PXDNL: variants seen among roughly 807,000 people sequenced by gnomAD.
The protein encoded by PXDNL is probable oxidoreductase PXDNL.
PXDNL carries 145 observed loss-of-function variants against 150.8 expected under a neutral mutation model. The ratio of observed to expected loss-of-function variants is 0.96; its 90% confidence interval spans 0.84 to 1.10. PXDNL has a LOEUF of 1.10. Ranked by LOEUF, PXDNL falls within the 50% of genes least tolerant of loss-of-function variation. PXDNL has a pLI of 0.00. For missense variants in PXDNL, 2,087 were observed against 1,873.9 expected (o/e 1.11, Z -2.10); for synonymous variants, 757 against 725.7 (o/e 1.04, Z -0.69).
rs550114575 is a variant in PXDNL at position 51,636,938 on chromosome 8, C to T, written c.236+17751G>A. ...CCAGAGTAGCCTAACTGGGAGGTAACCCCCAGTAGGGGCAGACTGACACCT... is the reference window on the plus strand; with the variant it reads ...CCAGAGTAGCCTAACTGGGAGGTAATCCCCAGTAGGGGCAGACTGACACCT... On this transcript the variant is annotated intron_variant, in intron 2 of 22. Transcript: ENST00000356297. 4.8e-5 allele frequency among the ~76,000 whole-genome samples: 3 copies of T among 61,884 alleles called. No individual in the cohort carries two copies. The South Asian group carries it at 1.3e-3, about 27-fold the overall frequency. The allele number at this position is 61,884 out of a possible 152,430, so 40.6% of individuals were successfully genotyped here. A position where few individuals can be genotyped will look rare whatever the true frequency, so the allele number is the denominator to read the frequency against.
intron 12 of PXDNL, among the ~76,000 whole-genome samples, chr8:51,443,631 CAT>C (rs1355012245): frequency 1.3e-5 from 2 of 152,090 alleles, no homozygotes; most frequent in Non-Finnish European, 2.9e-5. Context: ...TTTTAAATAA[CAT>C]GTTTTTATGA....
chr8:51,736,360 G>T (rs545655718), intron 1 of PXDNL, among the ~76,000 whole-genome samples: 1 of 152,154 alleles, frequency 6.6e-6, no homozygotes, highest in South Asian at 2.1e-4. Flanking sequence ...AAATGTGACA[G>T]CAGACATATC....
At chr8:51,467,718 T>C (rs771890798) in intron 8 of PXDNL, among the ~76,000 whole-genome samples, 1 of 152,078 alleles carries the variant, frequency 6.6e-6, no homozygotes, top group Non-Finnish European at 1.5e-5. Flanking sequence ...TCAAAGTTTA[T>C]AAACTGAAAG....
intron 1 of PXDNL, among the ~76,000 whole-genome samples, chr8:51,664,768 C>A (rs186217773): frequency 2.0e-5 from 3 of 152,140 alleles, no homozygotes; most frequent in Admixed American, 1.3e-4. Context: ...AGGTGCCCTG[C>A]GGTCCCACTG....
At chr8:51,587,984 T>C (rs1482818877) in intron 3 of PXDNL, among the ~76,000 whole-genome samples, 2 of 152,226 alleles carry the variant, frequency 1.3e-5, no homozygotes, top group South Asian at 2.1e-4. Context: ...TTGTGGTATA[T>C]GCAATAAATG....
At chr8:51,419,881 A>G (rs1400469296) in intron 14 of PXDNL, among the ~76,000 whole-genome samples, 1 of 152,206 alleles carries the variant, frequency 6.6e-6, no homozygotes, top group Admixed American at 6.5e-5. Context: ...CATCCTAAAC[A>G]AAAGGATAGA....
intron 16 of PXDNL, among the ~76,000 whole-genome samples, chr8:51,409,776 T>C (rs567978518): frequency 1.3e-5 from 2 of 152,268 alleles, no homozygotes; most frequent in African/African-American, 4.8e-5. Context: ...GGGATTACTT[T>C]TGAGCGTTCA....
intron 6 of PXDNL, among the ~76,000 whole-genome samples, chr8:51,478,619 T>C (rs1183600303): frequency 6.6e-6 from 1 of 152,224 alleles, no homozygotes; most frequent in Non-Finnish European, 1.5e-5. Context: ...TGTCGGGTGA[T>C]CCTTCAAAGT....
intron 5 of PXDNL, among the ~76,000 whole-genome samples, chr8:51,495,442 G>T (rs958438144): frequency 5.9e-5 from 9 of 152,242 alleles, no homozygotes; most frequent in Non-Finnish European, 1.3e-4. Context: ...GAGCAGAATT[G>T]AAGGAAATAG....
In PXDNL at chr8:51,625,861, T is replaced by C. The variant is rs145015721; in HGVS notation, c.236+28828A>G. On this transcript the variant is annotated intron_variant, in intron 2 of 22. Coordinates refer to ENST00000356297, the MANE Select transcript of PXDNL (RefSeq NM_144651.5). ...GTGATCTGGCATTTTCTCTCTTTCC[T>C]CTTCTTCATAATCAGACTTACTTAA... Among the ~76,000 whole-genome samples, 20 of 152,346 alleles carry C rather than the reference T, an allele frequency of 1.3e-4. No individual in the cohort carries two copies. In the East Asian group the frequency reaches 3.7e-3, roughly 28 times the overall value.
rs114721131 is a variant in PXDNL, at chr8:51,361,188, G to A, written c.3901+10685C>T. 3.7e-3 allele frequency among the ~76,000 whole-genome samples: 561 copies of A among 152,166 alleles called. 4 individuals carry two copies. The highest frequency in any genetic ancestry group is 0.013 in the African/African-American group (535 of 41,490). ...TGAGCAAATTTTTTTATCTGAACTG[G>A]GTTCAGAAAACACAACAGAAACTGG... is the stretch of plus-strand genomic sequence containing the variant. On this transcript the variant is annotated intron_variant, in intron 19 of 22. Transcript: ENST00000356297.
chr8:51,456,352 C>G (rs1809937724), intron 9 of PXDNL, among the ~76,000 whole-genome samples: 1 of 152,062 alleles, frequency 6.6e-6, no homozygotes, highest in Non-Finnish European at 1.5e-5. Flanking sequence ...ATGCTTCAAC[C>G]CTACTTCTCT....
intron 5 of PXDNL, among the ~76,000 whole-genome samples, chr8:51,486,604 C>CT (rs908333118): frequency 1.3e-5 from 2 of 150,918 alleles, no homozygotes; most frequent in Non-Finnish European, 3.0e-5. Context: ...TTGTAGTTTC[C>CT]TTTTTTTCTT....
At chr8:51,374,558 T>C in intron 18 of PXDNL, 39 bp downstream of exon 18, 1 of 1,605,000 alleles carries the variant, frequency 6.2e-7, no homozygotes, top group East Asian at 2.2e-5. Flanking sequence ...CAAAAACAAC[T>C]TTTGTGATAT....
intron 2 of PXDNL, among the ~76,000 whole-genome samples, chr8:51,607,980 AG>A (rs1476027548): frequency 3.8e-5 from 5 of 131,888 alleles, no homozygotes; most frequent in Non-Finnish European, 7.6e-5. Context: ...AAAGGAAGGA[AG>A]GAAGAGAGAG....
chr8:51,663,782 C>T (rs576453652), intron 1 of PXDNL, among the ~76,000 whole-genome samples: 4 of 152,014 alleles, frequency 2.6e-5, no homozygotes, highest in African/African-American at 7.2e-5. Context: ...GAGGGGGCCA[C>T]GGTGGGTGCT....
chr8:51,448,678 C>A (rs7826160), intron 11 of PXDNL, among the ~76,000 whole-genome samples: 22,808 of 150,316 alleles, frequency 0.15, 2,019 homozygotes, highest in African/African-American at 0.24. Flanking sequence ...CCAGCCTGGG[C>A]GACAGAACAA....
At chr8:51,330,274 AG>A (rs925746095) in intron 21 of PXDNL, among the ~76,000 whole-genome samples, 7 of 152,218 alleles carry the variant, frequency 4.6e-5, no homozygotes, top group African/African-American at 1.4e-4. Flanking sequence ...TCAAGGTTGC[AG>A]GGGAAAGAAT....
chr8:51,341,619 C>T (rs1336588919), intron 20 of PXDNL, among the ~76,000 whole-genome samples: 3 of 152,258 alleles, frequency 2.0e-5, no homozygotes, highest in Non-Finnish European at 4.4e-5. Context: ...TTCTCCATTT[C>T]GTCCTCCTCC....
Sources: allele counts gnomAD v4.1 joint callset (sites outside exome capture counted in the v4.1 genomes callset), GRCh38; gene constraint gnomAD v4.1.1; transcripts MANE v1.5; gene names NCBI Gene and HGNC (gene_info 2026-07-23, HGNC 2026-07-21).